SLX4IP: variants seen among roughly 807,000 people sequenced by gnomAD.
SLX4IP encodes the protein SLX4 interacting protein.
SLX4IP carries 34 observed loss-of-function variants against 32.9 expected under a neutral mutation model. The observed-to-expected ratio is 1.03, with a 90% CI of 0.79 to 1.38. The LOEUF (loss-of-function observed/expected upper bound fraction) is 1.38. Among genes scored for constraint, SLX4IP ranks in the 40% most tolerant of loss-of-function variants. The pLI is 0.00. For synonymous variants in SLX4IP, 172 were observed against 171.7 expected (o/e 1.00, Z -0.01); for missense variants, 444 against 479.0 (o/e 0.93, Z 0.68).
At chr20:10,580,762 G>A (rs1295662167) in intron 4 of SLX4IP, among the ~76,000 whole-genome samples, 1 of 152,014 alleles carries the variant, frequency 6.6e-6, no homozygotes, top group East Asian at 2.0e-4. Flanking sequence ...AATGAAAAAA[G>A]CATAACCATT....
intron 2 of SLX4IP, among the ~76,000 whole-genome samples, chr20:10,546,964 TGA>T (rs899473232): frequency 2.0e-4 from 31 of 152,346 alleles, no homozygotes; most frequent in African/African-American, 7.5e-4. Context: ...GTGATGGCTT[TGA>T]GAGTTTGTGA....
intron 2 of SLX4IP, among the ~76,000 whole-genome samples, chr20:10,512,764 TACACACACACAC>T (rs1216149895): frequency 1.2e-3 from 136 of 115,748 alleles, no homozygotes; most frequent in Non-Finnish European, 2.1e-3. Context: ...TGTATATATA[TACACACACACAC>T]TCTATATATA....
chr20:10,480,847 T>C (rs2065514987), intron 2 of SLX4IP, among the ~76,000 whole-genome samples: 1 of 152,248 alleles, frequency 6.6e-6, no homozygotes, highest in Non-Finnish European at 1.5e-5. Context: ...AATGATGCTT[T>C]AGCTGGGTGT....
At chr20:10,565,558 A>C (rs569532681) in intron 4 of SLX4IP, among the ~76,000 whole-genome samples, 22 of 152,172 alleles carry the variant, frequency 1.4e-4, no homozygotes, top group Non-Finnish European at 2.8e-4. Flanking sequence ...ACTAGATTTC[A>C]TGGTTGTCTC....
At chr20:10,498,596 T>G (rs1324962276) in intron 2 of SLX4IP, among the ~76,000 whole-genome samples, 1 of 152,164 alleles carries the variant, frequency 6.6e-6, no homozygotes, top group Non-Finnish European at 1.5e-5. Context: ...ATCATTGCCA[T>G]AGGGATGCTT....
intron 2 of SLX4IP, among the ~76,000 whole-genome samples, chr20:10,504,957 G>GA (rs549303131): frequency 0.028 from 4,124 of 148,672 alleles, 107 homozygotes; most frequent in Admixed American, 0.099. Flanking sequence ...ATAATGCCAG[G>GA]AAAAAAAAAA....
At chr20:10,571,765 G>C (rs987384011) in intron 4 of SLX4IP, among the ~76,000 whole-genome samples, 3 of 152,132 alleles carry the variant, frequency 2.0e-5, no homozygotes, top group Non-Finnish European at 4.4e-5. Flanking sequence ...CGGCTCACAG[G>C]TCCCATTTTC....
intron 4 of SLX4IP, among the ~76,000 whole-genome samples, chr20:10,584,756 C>G (rs2066625834): frequency 6.6e-6 from 1 of 152,052 alleles, no homozygotes; most frequent in Admixed American, 6.6e-5. Context: ...TAGATAGATG[C>G]TTATTTGAGC....
chr20:10,512,418 T>A (rs1051457104), intron 2 of SLX4IP, among the ~76,000 whole-genome samples: 1 of 150,044 alleles, frequency 6.7e-6, no homozygotes, highest in Non-Finnish European at 1.5e-5. Context: ...ACTTTAAGTA[T>A]TTTTTTTTAA....
At chr20:10,601,844 C>T (rs774715563) in intron 6 of SLX4IP, 25 bp downstream of exon 6, 3 of 1,580,894 alleles carry the variant, frequency 1.9e-6, no homozygotes, top group African/African-American at 1.3e-5. Flanking sequence ...ATTCTATAAA[C>T]AAATAAGTCT....
intron 3 of SLX4IP, among the ~76,000 whole-genome samples, chr20:10,556,849 G>C (rs780999014): frequency 2.0e-5 from 3 of 152,334 alleles, no homozygotes; most frequent in Non-Finnish European, 4.4e-5. Flanking sequence ...GTAGCCGGGG[G>C]CTTAGCAGAG....
chr20:10,461,222 C>T (rs564866264), intron 2 of SLX4IP, among the ~76,000 whole-genome samples: 27 of 152,344 alleles, frequency 1.8e-4, no homozygotes, highest in African/African-American at 5.8e-4. Flanking sequence ...CCAAGTAGGG[C>T]AGACCATCCT....
chr20:10,586,703 A>G (rs1166943925), intron 4 of SLX4IP, among the ~76,000 whole-genome samples: 2 of 152,186 alleles, frequency 1.3e-5, no homozygotes, highest in South Asian at 2.1e-4. Context: ...TTAGATCAGG[A>G]ATAGAAGTAT....
At chr20:10,439,280 C>T (rs1265863502) in intron 1 of SLX4IP, among the ~76,000 whole-genome samples, 1 of 152,028 alleles carries the variant, frequency 6.6e-6, no homozygotes, top group African/African-American at 2.4e-5. Flanking sequence ...ATGATCTCAG[C>T]TCGCTGCAGC....
At chr20:10,582,846 A>C (rs951728898) in intron 4 of SLX4IP, among the ~76,000 whole-genome samples, 2 of 152,166 alleles carry the variant, frequency 1.3e-5, no homozygotes, top group Admixed American at 1.3e-4. Flanking sequence ...CAGGGTTAGG[A>C]AATTACCTAA....
chr20:10,522,294 C>T (rs1434595835), intron 2 of SLX4IP, among the ~76,000 whole-genome samples: 1 of 152,160 alleles, frequency 6.6e-6, no homozygotes, highest in Non-Finnish European at 1.5e-5. Flanking sequence ...TTTGTAAAGA[C>T]TTATTAAAGC....
At chr20:10,566,494 T>TG (rs1411194140) in intron 4 of SLX4IP, among the ~76,000 whole-genome samples, 3 of 152,070 alleles carry the variant, frequency 2.0e-5, no homozygotes, top group Non-Finnish European at 4.4e-5. Context: ...AGCAGAGTCA[T>TG]GGGGATGGAA....
intron 2 of SLX4IP, among the ~76,000 whole-genome samples, chr20:10,460,377 T>A (rs2065326758): frequency 6.6e-6 from 1 of 152,350 alleles, no homozygotes; most frequent in East Asian, 1.9e-4. Context: ...CTAGCATCAA[T>A]TGAGTAATTT....
intron 1 of SLX4IP, among the ~76,000 whole-genome samples, chr20:10,451,345 G>A (rs1234534100): frequency 6.6e-6 from 1 of 151,972 alleles, no homozygotes; most frequent in African/African-American, 2.4e-5. Context: ...ATTTTTAGTA[G>A]AGATGGGGTT....
Sources: allele counts gnomAD v4.1 joint callset (sites outside exome capture counted in the v4.1 genomes callset), GRCh38; gene constraint gnomAD v4.1.1; transcripts MANE v1.5; gene names NCBI Gene and HGNC (gene_info 2026-07-23, HGNC 2026-07-21).